FOXN2: variants seen among roughly 807,000 people sequenced by gnomAD.
FOXN2 encodes the protein forkhead box protein N2.
FOXN2 carries 19 observed loss-of-function variants against 41.2 expected under a neutral mutation model. That is an observed-to-expected ratio of 0.46 (90% CI 0.32 to 0.68). The LOEUF is 0.68. Among genes scored for constraint, FOXN2 ranks in the 30% least tolerant of loss-of-function variants. The probability of loss-of-function intolerance (pLI) is 0.03; values close to 1 mark genes in which losing one functional copy is unlikely to be tolerated. For missense variants in FOXN2, 587 were observed against 509.4 expected, an observed-to-expected ratio of 1.15 and a Z score of -1.47; for synonymous variants, 195 against 176.8, an observed-to-expected ratio of 1.10 and a Z score of -0.82.
chr2:48,333,336 C>G (rs1670132917), intron 2 of FOXN2, among the ~76,000 whole-genome samples: 1 of 151,892 alleles, frequency 6.6e-6, no homozygotes. Context: ...ATAGCTAATA[C>G]TTTAGCTTTA....
chr2:48,346,446 G>C lies in FOXN2; in HGVS notation c.232G>C (p.Gly78Arg). The change falls in exon 3 of 7, where the codon GGT becomes CGT. Residue 78 changes from glycine (G) to arginine (R), a missense_variant. Coordinates refer to ENST00000340553, the MANE Select transcript of FOXN2 (RefSeq NM_002158.4). ...LLTNFSLGSEGLPIVSPLYDI... is the reference protein window; with the variant it reads ...LLTNFSLGSERLPIVSPLYDI... ...AACAAACTTCAGCCTCGGAAGTGAG[G>C]GTCTTCCAATTGTTAGTCCATTGTA... 1 of 1,614,068 alleles carries C rather than the reference G, an allele frequency of 6.2e-7. No individual in the cohort carries two copies. Among genetic ancestry groups the C allele is most frequent in the Middle Eastern group, 1.6e-4 (1 of 6,062 alleles).
At chr2:48,319,546 T>G (rs954398409) in intron 1 of FOXN2, among the ~76,000 whole-genome samples, 1 of 152,012 alleles carries the variant, frequency 6.6e-6, no homozygotes, top group Admixed American at 6.6e-5. Context: ...TTGAAATTCT[T>G]TCTAAAATAT....
At chr2:48,364,488 A>G (rs2104486170) in intron 5 of FOXN2, among the ~76,000 whole-genome samples, 1 of 152,222 alleles carries the variant, frequency 6.6e-6, no homozygotes, top group East Asian at 1.9e-4. Context: ...AGGGACACAT[A>G]CATAAACACA....
At chr2:48,342,385 G>A (rs750622520) in intron 2 of FOXN2, among the ~76,000 whole-genome samples, 62 of 148,812 alleles carry the variant, frequency 4.2e-4, no homozygotes, top group Non-Finnish European at 3.0e-4. Context: ...TCCACACATC[G>A]TGGGTTGGGA....
At chr2:48,336,433 A>ATGTG (rs1328128424) in intron 2 of FOXN2, among the ~76,000 whole-genome samples, 1 of 140,520 alleles carries the variant, frequency 7.1e-6, no homozygotes, top group African/African-American at 2.8e-5. Context: ...ATATATATGT[A>ATGTG]TATGTGTGTG....
upstream of FOXN2, among the ~76,000 whole-genome samples, chr2:48,314,181 G>T (rs1668723365): frequency 6.6e-6 from 1 of 152,260 alleles, no homozygotes; most frequent in African/African-American, 2.4e-5. Context: ...ATAACGTGGG[G>T]TGTCGAGGAA....
At position 48,376,000 on chromosome 2, in the gene FOXN2, T is replaced by C. The variant is rs1376168415; in HGVS notation, c.*557T>C. 1 of 152,526 alleles carries C rather than the reference T, an allele frequency of 6.6e-6. No homozygotes were observed. Among genetic ancestry groups the C allele is most frequent in the African/African-American group, 2.4e-5 (1 of 41,460 alleles). The allele number at this position is 152,526 out of a possible 1,614,324, so 9.4% of individuals were successfully genotyped here. ...ATAAATTGAAAAACATCCTGATGTT[T>C]AGAAAGTTTCTTTTGGTTACGTAGG... On this transcript the variant is annotated 3_prime_UTR_variant, in exon 7 of 7. Transcript: ENST00000340553.
upstream of FOXN2, among the ~76,000 whole-genome samples, chr2:48,314,105 A>G (rs1668717181): frequency 6.6e-6 from 1 of 152,240 alleles, no homozygotes; most frequent in African/African-American, 2.4e-5. Context: ...AGTTACAGCA[A>G]TGCTTTACCG....
chr2:48,315,278 C>G (rs778037028), intron 1 of FOXN2, among the ~76,000 whole-genome samples: 1 of 152,160 alleles, frequency 6.6e-6, no homozygotes, highest in Non-Finnish European at 1.5e-5. Context: ...TGAAGTGGAG[C>G]GAGACATGTC....
At chr2:48,352,658 C>T (rs1383006699) in intron 3 of FOXN2, among the ~76,000 whole-genome samples, 1 of 152,174 alleles carries the variant, frequency 6.6e-6, no homozygotes, top group Non-Finnish European at 1.5e-5. Flanking sequence ...CTTTATTCCT[C>T]TCTCTTCTCC....
intron 1 of FOXN2, among the ~76,000 whole-genome samples, chr2:48,321,682 G>T (rs1449353199): frequency 1.3e-5 from 2 of 151,842 alleles, no homozygotes; most frequent in Admixed American, 1.3e-4. Context: ...TACATTTTAT[G>T]TGGTAAGGGT....
At chr2:48,324,541 CTTCT>C (rs1297266154) in intron 1 of FOXN2, among the ~76,000 whole-genome samples, 2 of 152,024 alleles carry the variant, frequency 1.3e-5, no homozygotes, top group South Asian at 4.1e-4. Flanking sequence ...ATTAAAATGA[CTTCT>C]TTGTTTAGTT....
intron 3 of FOXN2, among the ~76,000 whole-genome samples, chr2:48,352,886 T>G (rs1291033793): frequency 2.0e-5 from 3 of 152,192 alleles, no homozygotes; most frequent in Non-Finnish European, 2.9e-5. Context: ...AAAAGCAGTA[T>G]CTAGTAGCAC....
chr2:48,340,871 C>A (rs72820409), intron 2 of FOXN2: 20,000 of 151,908 alleles, frequency 0.13, 1,629 homozygotes, highest in East Asian at 0.45. Context: ...AATTTTTTTT[C>A]TTTTTTAGAA....
intron 4 of FOXN2, among the ~76,000 whole-genome samples, chr2:48,360,133 C>T (rs937771502): frequency 1.3e-5 from 2 of 152,046 alleles, no homozygotes; most frequent in African/African-American, 4.8e-5. Context: ...GATCTTCTAG[C>T]TTCCTCATTT....
chr2:48,373,431 C>T, intron 6 of FOXN2, 71 bp downstream of exon 6: 1 of 848,106 alleles, frequency 1.2e-6, no homozygotes, highest in South Asian at 1.5e-5. Context: ...TATAAAATAA[C>T]TATTACAGAC....
At chr2:48,369,716 A>G (rs1672763157) in intron 5 of FOXN2, among the ~76,000 whole-genome samples, 1 of 151,536 alleles carries the variant, frequency 6.6e-6, no homozygotes, top group Non-Finnish European at 1.5e-5. Flanking sequence ...GATCCTTTTT[A>G]TTAAAAAGAA....
chr2:48,346,615 C>G lies in FOXN2; in HGVS notation c.401C>G (p.Pro134Arg), dbSNP rs1671119446. The G allele has an allele frequency of 1.2e-6, 2 of 1,614,158 alleles. No homozygotes were observed. The highest frequency in any genetic ancestry group is 2.2e-5 in the East Asian group (1 of 44,886). ...GAGCACTCTCCAAATAAATGTTTGC[C>G]TGTCAAAGAAATTTATAGCTGGATT... Reference protein sequence around the residue: ...AIEHSPNKCLPVKEIYSWILD... With the variant: ...AIEHSPNKCLRVKEIYSWILD... The change falls in exon 3 of 7, where the codon CCT (proline) becomes CGT (arginine). Residue 134 changes from proline (P) to arginine (R), a missense_variant. Coordinates refer to ENST00000340553, the MANE Select transcript of FOXN2 (RefSeq NM_002158.4).
intron 1 of FOXN2, 28 bp downstream of exon 1, chr2:48,314,842 C>T (rs951398094): frequency 6.6e-6 from 1 of 152,026 alleles, no homozygotes; most frequent in Admixed American, 6.6e-5. Context: ...CGGTCCCCTC[C>T]AGGGTCGGCG....
Sources: allele counts gnomAD v4.1 joint callset (sites outside exome capture counted in the v4.1 genomes callset), GRCh38; gene constraint gnomAD v4.1.1; transcripts MANE v1.5; gene names NCBI Gene and HGNC (gene_info 2026-07-23, HGNC 2026-07-21).